Variants in TNR observed in about 807,000 individuals in gnomAD.
The protein encoded by TNR is tenascin-R.
TNR carries 45 observed loss-of-function variants against 150.4 expected under a neutral mutation model. The ratio of observed to expected loss-of-function variants is 0.30; its 90% confidence interval spans 0.24 to 0.38. The LOEUF is 0.38. TNR is among the 10% of genes least tolerant of loss of function. The probability of loss-of-function intolerance (pLI) is 1.00; values close to 1 mark genes in which losing one functional copy is unlikely to be tolerated. For synonymous variants in TNR, 687 were observed against 678.4 expected (o/e 1.01, Z -0.20); for missense variants, 1,544 against 1,759.1 (o/e 0.88, Z 2.19).
chr1:175,354,325 A>G, intron 18 of TNR, 66 bp downstream of exon 18: 1 of 1,578,254 alleles, frequency 6.3e-7, no homozygotes, highest in Non-Finnish European at 8.6e-7. Context: ...GTCTCAGCAG[A>G]GGCTGCTGAT....
chr1:175,703,849 G>A (rs2101929245), intron 1 of TNR, among the ~76,000 whole-genome samples: 1 of 152,364 alleles, frequency 6.6e-6, no homozygotes, highest in African/African-American at 2.4e-5. Flanking sequence ...GGGCTCTGAA[G>A]TCAGGCGGAG....
chr1:175,714,569 C>T (rs916586276), intron 1 of TNR, among the ~76,000 whole-genome samples: 3 of 152,166 alleles, frequency 2.0e-5, no homozygotes, highest in African/African-American at 7.2e-5. Context: ...CTTTCTCAGC[C>T]CTGCCAGGCC....
intron 2 of TNR, among the ~76,000 whole-genome samples, chr1:175,512,404 G>A (rs1273283078): frequency 6.6e-6 from 1 of 152,180 alleles, no homozygotes; most frequent in Non-Finnish European, 1.5e-5. Context: ...TTGGGGAAAA[G>A]CAATTTTAAA....
Position 175,330,061 on chromosome 1 carries a change from G to A in TNR, c.3793+13C>T, listed in dbSNP as rs764840020. On this transcript the variant is annotated intron_variant, in intron 21 of 22. Transcript: ENST00000367674. The stretch of plus-strand genomic sequence containing the variant: ...CCCACTGTCCTTGGGGTCTGCTCAG[G>A]AGCCATAGGTACCCGCAGTGCCGTT... The A allele has an allele frequency of 1.5e-5, 24 of 1,564,100 alleles. 1 individual carries two copies. In the South Asian group the frequency reaches 2.5e-4, roughly 16 times the overall value.
chr1:175,543,464 A>C (rs1660575986), intron 1 of TNR, among the ~76,000 whole-genome samples: 1 of 152,166 alleles, frequency 6.6e-6, no homozygotes, highest in African/African-American at 2.4e-5. Context: ...CTAGAGCCAG[A>C]GAGCAGCCAG....
At position 175,319,651 on chromosome 1, in the gene TNR, G is replaced by A. The variant is rs190655833; in HGVS notation, c.*3706C>T. On this transcript the variant is annotated 3_prime_UTR_variant, in exon 23 of 23. Coordinates refer to ENST00000367674, the MANE Select transcript of TNR (RefSeq NM_003285.3). Reference sequence around the variant, plus strand: ...TCAAATATTTGTAGATGTTTGCTTTGCATTTCCTTGCTGCCATATGTTGTT... The same window carrying A: ...TCAAATATTTGTAGATGTTTGCTTTACATTTCCTTGCTGCCATATGTTGTT... The A allele has an allele frequency of 6.6e-6, 1 of 152,252 alleles. No homozygotes were observed. Among genetic ancestry groups the A allele is most frequent in the Non-Finnish European group, 1.5e-5 (1 of 68,020 alleles). The allele number at this position is 152,252 out of a possible 1,614,324, so 9.4% of individuals were successfully genotyped here. A position where few individuals can be genotyped will look rare whatever the true frequency, so the allele number is the denominator to read the frequency against.
intron 1 of TNR, among the ~76,000 whole-genome samples, chr1:175,648,432 G>A (rs1487364367): frequency 2.0e-5 from 3 of 152,054 alleles, no homozygotes; most frequent in Admixed American, 2.0e-4. Context: ...CATCTTAAAA[G>A]GGCAACCAAC....
chr1:175,674,263 T>G (rs1382642353), intron 1 of TNR, among the ~76,000 whole-genome samples: 1 of 152,164 alleles, frequency 6.6e-6, no homozygotes, highest in Non-Finnish European at 1.5e-5. Context: ...CAGGGATGAA[T>G]GCTCATTTTC....
intron 1 of TNR, among the ~76,000 whole-genome samples, chr1:175,574,596 C>A (rs1174007256): frequency 6.6e-6 from 1 of 152,180 alleles, no homozygotes; most frequent in Non-Finnish European, 1.5e-5. Flanking sequence ...TACACACACA[C>A]ACACACAACC....
At chr1:175,527,446 A>T (rs1659888707) in intron 2 of TNR, among the ~76,000 whole-genome samples, 1 of 152,214 alleles carries the variant, frequency 6.6e-6, no homozygotes, top group Admixed American at 6.5e-5. Context: ...TAGTGAGTCT[A>T]AGGAAGAAAA....
chr1:175,505,333 GAC>G (rs1482916126), intron 2 of TNR, among the ~76,000 whole-genome samples: 1 of 152,274 alleles, frequency 6.6e-6, no homozygotes, highest in African/African-American at 2.4e-5. Flanking sequence ...GAGCGGGACT[GAC>G]GGGCTGGCTG....
intron 15 of TNR, among the ~76,000 whole-genome samples, chr1:175,358,917 A>G (rs1651453840): frequency 6.6e-6 from 1 of 152,120 alleles, no homozygotes; most frequent in Admixed American, 6.6e-5. Flanking sequence ...ACTTGGTCCT[A>G]TATCTTCAGT....
At chr1:175,571,887 A>T (rs536165279) in intron 1 of TNR, among the ~76,000 whole-genome samples, 2 of 152,212 alleles carry the variant, frequency 1.3e-5, no homozygotes, top group African/African-American at 4.8e-5. Flanking sequence ...CAACCACCAG[A>T]GTCCAAGTGA....
intron 5 of TNR, 75 bp downstream of exon 5, chr1:175,396,469 C>A: frequency 6.5e-7 from 1 of 1,527,064 alleles, no homozygotes; most frequent in Non-Finnish European, 8.9e-7. Context: ...TAAGAAAAGA[C>A]GCTACTATCA....
At chr1:175,430,705 T>C (rs1655225152) in intron 2 of TNR, among the ~76,000 whole-genome samples, 1 of 152,226 alleles carries the variant, frequency 6.6e-6, no homozygotes, top group African/African-American at 2.4e-5. Context: ...TGGCTGATAC[T>C]TCTCCTTTAC....
At position 175,319,763 on chromosome 1, in the gene TNR, C is replaced by T. The variant is rs1218654238; in HGVS notation, c.*3594G>A. On this transcript the variant is annotated 3_prime_UTR_variant, in exon 23 of 23. Transcript: ENST00000367674. ...TTTGGCTCTCCTGGAAACTTGGAGA[C>T]GTGGCCTTTCTCAACCCCGCTGACG... 2 of 152,232 alleles carry T rather than the reference C, an allele frequency of 1.3e-5. No homozygotes were observed. The highest frequency in any genetic ancestry group is 6.5e-5 in the Admixed American group (1 of 15,282). 9.4% of individuals were successfully genotyped at this position (152,232 alleles called of 1,614,324 possible). A position where few individuals can be genotyped will look rare whatever the true frequency, so the allele number is the denominator to read the frequency against.
chr1:175,331,149 T>C (rs1649874112), intron 20 of TNR, among the ~76,000 whole-genome samples: 1 of 138,102 alleles, frequency 7.2e-6, no homozygotes, highest in Non-Finnish European at 1.6e-5. Flanking sequence ...CTTTCTTCCT[T>C]TCTTTCTTTT....
intron 2 of TNR, among the ~76,000 whole-genome samples, chr1:175,473,673 C>G (rs1657396557): frequency 6.6e-6 from 1 of 152,216 alleles, no homozygotes; most frequent in South Asian, 2.1e-4. Context: ...CCGCTAGACC[C>G]TACTGGGTAG....
chr1:175,343,429 G>T (rs1006054967), intron 18 of TNR, among the ~76,000 whole-genome samples: 2 of 152,138 alleles, frequency 1.3e-5, no homozygotes, highest in Non-Finnish European at 2.9e-5. Flanking sequence ...CTGTTCTGAC[G>T]ACCCTAGTTG....
Sources: allele counts gnomAD v4.1 joint callset (sites outside exome capture counted in the v4.1 genomes callset), GRCh38; gene constraint gnomAD v4.1.1; transcripts MANE v1.5; gene names NCBI Gene and HGNC (gene_info 2026-07-23, HGNC 2026-07-21).